The following RERE variants were observed in gnomAD, a reference collection of about 807,000 sequenced individuals.
RERE encodes the protein arginine-glutamic acid dipeptide repeats protein.
In RERE, 40 loss-of-function variants were observed where a neutral mutation model predicts 146.1. The ratio of observed to expected loss-of-function variants is 0.27; its 90% confidence interval spans 0.21 to 0.36. The LOEUF is 0.36. Ranked by LOEUF, RERE falls within the 10% of genes least tolerant of loss-of-function variation. The pLI, the probability that RERE is intolerant of heterozygous loss-of-function variation, is 1.00. For missense variants in RERE, 1,933 were observed against 2,138.7 expected (o/e 0.90, Z 1.90); for synonymous variants, 1,003 against 866.0 (o/e 1.16, Z -2.78).
intron 4 of RERE, among the ~76,000 whole-genome samples, chr1:8,607,542 T>A (rs1415376276): frequency 1.5e-5 from 1 of 68,520 alleles, no homozygotes; most frequent in African/African-American, 5.7e-5. Context: ...TTCTTTTTTT[T>A]TTTTTTTTTT....
chr1:8,675,744 T>C (rs1324501044), intron 1 of RERE, among the ~76,000 whole-genome samples: 1 of 146,320 alleles, frequency 6.8e-6, no homozygotes, highest in Non-Finnish European at 1.5e-5. Context: ...CATATATACA[T>C]ACATACATAC....
At chr1:8,453,659 A>C (rs1644414698) in intron 11 of RERE, among the ~76,000 whole-genome samples, 1 of 152,128 alleles carries the variant, frequency 6.6e-6, no homozygotes, top group Non-Finnish European at 1.5e-5. Flanking sequence ...TACAAAAATT[A>C]GCCGGGTGTG....
intron 2 of RERE, among the ~76,000 whole-genome samples, chr1:8,624,709 A>C (rs1646954145): frequency 1.3e-5 from 2 of 152,250 alleles, no homozygotes; most frequent in African/African-American, 4.8e-5. Context: ...CTTGCTCAAG[A>C]TCACACATCA....
intron 4 of RERE, among the ~76,000 whole-genome samples, chr1:8,609,887 G>A (rs1021188855): frequency 1.3e-5 from 2 of 152,066 alleles, no homozygotes; most frequent in Non-Finnish European, 2.9e-5. Context: ...TCCCACCTCA[G>A]CCTCCTGAGT....
Position 8,365,975 on chromosome 1 carries a change from C to A in RERE, c.1285-1G>T, listed in dbSNP as rs751093775. On this transcript the variant is annotated splice_acceptor_variant, in intron 12 of 22. Transcript: ENST00000400908. LOFTEE classifies it high-confidence loss of function. ...AGTAATAGAAGGTGATCAGCTCCCC[C>A]TGCAGAAGAGAAGGGCTGACTGTGG... 6.2e-6 allele frequency: 10 copies of A among 1,612,906 alleles called. No homozygotes were observed. The highest frequency in any genetic ancestry group is 7.6e-6 in the Non-Finnish European group (9 of 1,179,826).
At chr1:8,743,269 GTGC>G (rs1640348862) in intron 1 of RERE, among the ~76,000 whole-genome samples, 1 of 151,834 alleles carries the variant, frequency 6.6e-6, no homozygotes, top group Admixed American at 6.6e-5. Context: ...ACAGGGGCGC[GTGC>G]CTGTAGTCCT....
rs1476588273 is a variant in RERE at position 8,392,371 on chromosome 1, C to T, written c.1285-26397G>A. 2.0e-5 allele frequency among the ~76,000 whole-genome samples: 3 copies of T among 152,198 alleles called. No individual in the cohort carries two copies. In the East Asian group the frequency reaches 5.8e-4, roughly 29 times the overall value. ...CCTTTTTTAAAAAAATCCTTTTATG[C>T]TTATATTTTTACCTAACCTGGAAAA... On this transcript the variant is annotated intron_variant, in intron 12 of 22. Coordinates refer to ENST00000400908, the MANE Select transcript of RERE (RefSeq NM_001042681.2).
intron 1 of RERE, among the ~76,000 whole-genome samples, chr1:8,764,090 C>T (rs561489492): frequency 1.2e-4 from 18 of 152,208 alleles, no homozygotes; most frequent in Admixed American, 1.3e-4. Context: ...TTCTCAGAAC[C>T]CCATGCTTCT....
At chr1:8,357,444 C>G (rs1206018264) in intron 20 of RERE, among the ~76,000 whole-genome samples, 2 of 152,244 alleles carry the variant, frequency 1.3e-5, no homozygotes, top group African/African-American at 4.8e-5. Context: ...GGGCCCTGCT[C>G]TATCAGTCAT....
chr1:8,546,154 A>C (rs1044791441), intron 6 of RERE, among the ~76,000 whole-genome samples: 3 of 150,328 alleles, frequency 2.0e-5, no homozygotes, highest in Non-Finnish European at 4.4e-5. Flanking sequence ...CACACCCAAC[A>C]ATTTTTTGTA....
In RERE at chr1:8,358,786, G is replaced by A. The variant is rs758275238; in HGVS notation, c.3749C>T (p.Thr1250Ile). Residue 1250 changes from threonine (T) to isoleucine (I), a missense_variant, in exon 20 of 23, where the codon ACA becomes ATA. Around this residue, in one of 11 missense-constraint regions of RERE, gnomAD observed 1,255 missense variants for 1,153.8 expected, o/e 1.09. Transcript: ENST00000400908. ...CTCGCTCAGAGTCCGAAGGGCAGGT[G>A]TGTCGGGCCCGATGTAGGGGGGCAC... ...AAVPPYIGPD[T>I]PALRTLSEYA... is the part of the protein sequence containing the mutation. 6.2e-7 allele frequency: 1 copy of A among 1,612,904 alleles called. No homozygotes were observed. Among genetic ancestry groups the A allele is most frequent in the Non-Finnish European group, 8.5e-7 (1 of 1,179,456 alleles).
At chr1:8,427,040 A>G (rs1385212839) in intron 11 of RERE, among the ~76,000 whole-genome samples, 1 of 152,148 alleles carries the variant, frequency 6.6e-6, no homozygotes, top group Non-Finnish European at 1.5e-5. Context: ...TTATTTATTA[A>G]CGATGAGGTC....
At chr1:8,797,460 T>A (rs1641499743) in intron 1 of RERE, among the ~76,000 whole-genome samples, 1 of 152,032 alleles carries the variant, frequency 6.6e-6, no homozygotes, top group Non-Finnish European at 1.5e-5. Flanking sequence ...AATTTAGTCA[T>A]CTTAGCGTAA....
chr1:8,597,436 T>C (rs1246630733), intron 4 of RERE, among the ~76,000 whole-genome samples: 3 of 152,098 alleles, frequency 2.0e-5, no homozygotes, highest in Non-Finnish European at 2.9e-5. Flanking sequence ...TCAAAGAAAT[T>C]TGTGTTGCCT....
At chr1:8,623,375 C>T (rs1167201455) in intron 3 of RERE, among the ~76,000 whole-genome samples, 5 of 152,118 alleles carry the variant, frequency 3.3e-5, no homozygotes, top group East Asian at 1.9e-4. Flanking sequence ...CACTTGTTTC[C>T]GGGAGGCAGA....
Position 8,355,558 on chromosome 1 carries a change from G to T in RERE, c.4528C>A (p.Pro1510Thr), listed in dbSNP as rs115891071. The T allele has an allele frequency of 1.2e-3, 1,967 of 1,604,514 alleles. 6 individuals are homozygous for T. In the African/African-American group the frequency reaches 0.014, roughly 12 times the overall value. The change falls in exon 22 of 23, where the codon CCC (proline) becomes ACC (threonine). Residue 1510 changes from proline (P) to threonine (T), a missense_variant. Pro to Thr is a conservative substitution (Grantham distance 38). This residue lies in a region of RERE where 133 missense variants were observed against 168.6 expected (regional missense o/e 0.79). Transcript: ENST00000400908. ...TGCAGCTGGTGGGCTGCTGACATGGGGGGTGGGATGGCCCCAGGCAGGTCA... is the reference window on the plus strand; with the variant it reads ...TGCAGCTGGTGGGCTGCTGACATGGTGGGTGGGATGGCCCCAGGCAGGTCA... ...PRDLPGAIPP[P>T]MSAAHQLQAM...
At chr1:8,510,324 GA>G (rs200243865) in intron 7 of RERE, among the ~76,000 whole-genome samples, 2 of 150,880 alleles carry the variant, frequency 1.3e-5, no homozygotes, top group African/African-American at 4.9e-5. Flanking sequence ...CTAGCAGCAG[GA>G]AAAAAAAAGA....
intron 9 of RERE, among the ~76,000 whole-genome samples, chr1:8,495,985 T>G (rs1645040092): frequency 6.6e-6 from 1 of 151,862 alleles, no homozygotes; most frequent in East Asian, 1.9e-4. Context: ...AAATCAGCCC[T>G]GACAACATAG....
intron 1 of RERE, among the ~76,000 whole-genome samples, chr1:8,809,385 T>C (rs370636194): frequency 6.6e-6 from 1 of 152,156 alleles, no homozygotes; most frequent in East Asian, 1.9e-4. Flanking sequence ...GCATCTCTGT[T>C]GGCTGTAGCT....
Sources: allele counts gnomAD v4.1 joint callset (sites outside exome capture counted in the v4.1 genomes callset), GRCh38; gene constraint gnomAD v4.1.1; regional missense constraint gnomAD v4.1.1; transcripts MANE v1.5; gene names NCBI Gene and HGNC (gene_info 2026-07-23, HGNC 2026-07-21).